The following PTPN14 variants were observed in gnomAD, a reference collection of about 807,000 sequenced individuals.
PTPN14 encodes tyrosine-protein phosphatase non-receptor type 14.
A neutral mutation model predicts 126.8 loss-of-function variants in PTPN14; 53 were observed. That is an observed-to-expected ratio of 0.42 (90% CI 0.34 to 0.53). The LOEUF (loss-of-function observed/expected upper bound fraction) is 0.53. Among genes scored for constraint, PTPN14 ranks in the 20% least tolerant of loss-of-function variants. PTPN14 has a pLI of 0.08. For missense variants in PTPN14, 1,257 were observed against 1,552.9 expected (o/e 0.81, Z 3.20); for synonymous variants, 630 against 599.3 (o/e 1.05, Z -0.75).
intron 3 of PTPN14, among the ~76,000 whole-genome samples, chr1:214,432,193 G>GAAA (rs11436749): frequency 6.8e-6 from 1 of 147,008 alleles, no homozygotes. Flanking sequence ...CCTGTCTCAA[G>GAAA]AAAAAAAAAA....
chr1:214,464,895 C>A lies in PTPN14; in HGVS notation c.-92G>T. ...TTTCGTGACTGGAAAATTACACTAT[C>A]ACCTGTGCTCCTCCAGGCAGGGAAA... On this transcript the variant is annotated 5_prime_UTR_variant, in exon 2 of 19. Transcript: ENST00000366956. 1 of 1,481,840 alleles carries A rather than the reference C, an allele frequency of 6.7e-7. No homozygotes were observed. The highest frequency in any genetic ancestry group is 1.3e-5 in the South Asian group (1 of 78,840). 91.8% of individuals were successfully genotyped at this position (1,481,840 alleles called of 1,614,324 possible).
chr1:214,422,938 T>C (rs1659576553), intron 3 of PTPN14, among the ~76,000 whole-genome samples: 1 of 152,120 alleles, frequency 6.6e-6, no homozygotes, highest in African/African-American at 2.4e-5. Flanking sequence ...GATGAACGAA[T>C]GAGGCAATGG....
chr1:214,465,402 G>A (rs1044285602), intron 1 of PTPN14, among the ~76,000 whole-genome samples: 1 of 152,084 alleles, frequency 6.6e-6, no homozygotes, highest in African/African-American at 2.4e-5. Context: ...TTAAGCCCAG[G>A]AGTCCAAAAC....
At chr1:214,457,885 A>T (rs766128640) in intron 2 of PTPN14, among the ~76,000 whole-genome samples, 2 of 152,212 alleles carry the variant, frequency 1.3e-5, no homozygotes, top group Non-Finnish European at 2.9e-5. Flanking sequence ...CACGTGTTCC[A>T]TAACCACATG....
intron 3 of PTPN14, among the ~76,000 whole-genome samples, chr1:214,423,935 C>T (rs533573475): frequency 9.9e-5 from 15 of 151,808 alleles, no homozygotes; most frequent in African/African-American, 1.5e-4. Context: ...AAGCAGAGTT[C>T]GCGCCACTGC....
At chr1:214,435,511 T>C (rs1659892133) in intron 3 of PTPN14, among the ~76,000 whole-genome samples, 1 of 151,906 alleles carries the variant, frequency 6.6e-6, no homozygotes, top group Non-Finnish European at 1.5e-5. Context: ...AAAAAAAGTA[T>C]TCAGTGAACT....
intron 1 of PTPN14, among the ~76,000 whole-genome samples, chr1:214,495,520 G>C (rs1363839608): frequency 6.6e-6 from 1 of 152,134 alleles, no homozygotes; most frequent in African/African-American, 2.4e-5. Flanking sequence ...CAGAAAATCT[G>C]CAGTAATTCA....
Position 214,358,062 on chromosome 1 carries a change from G to C in PTPN14, c.3436-12C>G, listed in dbSNP as rs1325704393. The C allele has an allele frequency of 1.9e-6, 3 of 1,612,348 alleles. No homozygotes were observed. The highest frequency in any genetic ancestry group is 2.5e-6 in the Non-Finnish European group (3 of 1,179,540). ...GGCACTTCCACCTTCTGCAAGAAAA[G>C]AGAGAAAGCACAAGGTCCTGAGACA... On this transcript the variant is annotated splice_polypyrimidine_tract_variant and intron_variant, in intron 18 of 18. Transcript: ENST00000366956.
intron 2 of PTPN14, among the ~76,000 whole-genome samples, chr1:214,464,177 TGG>T (rs1196403211): frequency 2.5e-5 from 1 of 39,928 alleles, no homozygotes; most frequent in Non-Finnish European, 4.2e-5. Context: ...CTTTATTCGG[TGG>T]GGTTTTTTTT....
intron 3 of PTPN14, among the ~76,000 whole-genome samples, chr1:214,446,650 G>A (rs1572005283): frequency 6.6e-6 from 1 of 152,036 alleles, no homozygotes; most frequent in South Asian, 2.1e-4. Flanking sequence ...ATTCTCTGGG[G>A]ACAACAAATT....
intron 1 of PTPN14, among the ~76,000 whole-genome samples, chr1:214,471,760 A>G: frequency 6.6e-6 from 1 of 152,200 alleles, no homozygotes; most frequent in East Asian, 1.9e-4. Context: ...TTATCCCACA[A>G]ACTCAGACAC....
At chr1:214,518,344 C>T (rs1191084770) in intron 1 of PTPN14, among the ~76,000 whole-genome samples, 1 of 152,110 alleles carries the variant, frequency 6.6e-6, no homozygotes, top group East Asian at 1.9e-4. Flanking sequence ...CAGAAACAGC[C>T]CTTTTAGAAT....
At chr1:214,382,924 T>C (rs952575528) in intron 13 of PTPN14, among the ~76,000 whole-genome samples, 1 of 152,200 alleles carries the variant, frequency 6.6e-6, no homozygotes, top group Admixed American at 6.5e-5. Context: ...GAAGGCGGTA[T>C]AGGGATGTTG....
chr1:214,508,489 C>A lies in PTPN14; in HGVS notation c.-155+42694G>T, dbSNP rs556594466. On this transcript the variant is annotated intron_variant, in intron 1 of 18. Transcript: ENST00000366956. Reference sequence around the variant, plus strand: ...TCAGTCCCATATTCAGGCTCCACTTCTAATTCTAGTTCTCTTGCTATTTCC... The same window carrying A: ...TCAGTCCCATATTCAGGCTCCACTTATAATTCTAGTTCTCTTGCTATTTCC... Among the ~76,000 whole-genome samples, 19 of 152,300 alleles carry A rather than the reference C, an allele frequency of 1.2e-4. 1 individual carries two copies. In the South Asian group the frequency reaches 3.9e-3, roughly 32 times the overall value.
intron 1 of PTPN14, among the ~76,000 whole-genome samples, chr1:214,480,212 T>C (rs540055332): frequency 3.3e-5 from 5 of 152,364 alleles, no homozygotes; most frequent in African/African-American, 1.2e-4. Context: ...AGAAGTCTCT[T>C]ATTGCATACT....
At chr1:214,483,001 A>G (rs56111551) in intron 1 of PTPN14, 19 of 1,513,952 alleles carry the variant, frequency 1.3e-5, no homozygotes, top group African/African-American at 1.9e-5. Context: ...TTTGTCTCCA[A>G]TACCATTCCC....
At chr1:214,472,190 A>G (rs4655353) in intron 1 of PTPN14, among the ~76,000 whole-genome samples, 13,786 of 152,078 alleles carry the variant, frequency 0.091, 641 homozygotes, top group South Asian at 0.12. Context: ...AATCCCCGAT[A>G]TCAGAGGTGT....
intron 5 of PTPN14, among the ~76,000 whole-genome samples, chr1:214,406,330 T>C (rs934604093): frequency 1.2e-4 from 18 of 152,016 alleles, no homozygotes; most frequent in Admixed American, 7.2e-4. Flanking sequence ...ATACAAAAAT[T>C]AGCCAGGCAT....
intron 17 of PTPN14, among the ~76,000 whole-genome samples, chr1:214,367,090 C>A (rs1338604911): frequency 6.6e-6 from 1 of 152,096 alleles, no homozygotes; most frequent in Non-Finnish European, 1.5e-5. Flanking sequence ...TAAGCTCACT[C>A]TTTCATCAGA....
Sources: gnomAD v4.1 joint callset for allele counts (sites outside exome capture counted in the v4.1 genomes callset) on GRCh38, gnomAD v4.1.1 for gene constraint, MANE v1.5 for transcripts, NCBI Gene and HGNC (gene_info 2026-07-23, HGNC 2026-07-21) for gene names.